The following PARP8 variants were observed in gnomAD, a reference collection of about 807,000 sequenced individuals.
The protein encoded by PARP8 is poly(ADP-ribose) polymerase family member 8.
PARP8 carries 51 observed loss-of-function variants against 124.1 expected under a neutral mutation model. The observed-to-expected ratio is 0.41, with a 90% confidence interval of 0.33 to 0.52. The LOEUF is 0.52. PARP8 is among the 20% of genes least tolerant of loss of function. The probability of loss-of-function intolerance (pLI) is 0.21; values close to 1 mark genes in which losing one functional copy is unlikely to be tolerated. For missense variants in PARP8, 860 were observed against 1,018.9 expected, an observed-to-expected ratio of 0.84 and a Z score of 2.12; for synonymous variants, 391 against 361.5, an observed-to-expected ratio of 1.08 and a Z score of -0.93.
intron 25 of PARP8, 22 bp downstream of exon 25, chr5:50,835,037 T>A: frequency 6.3e-7 from 1 of 1,595,826 alleles, no homozygotes; most frequent in South Asian, 1.1e-5. Context: ...TGCTCAAATT[T>A]GTATATTACT....
chr5:50,731,936 G>A (rs1323487365), intron 2 of PARP8, among the ~76,000 whole-genome samples: 1 of 152,116 alleles, frequency 6.6e-6, no homozygotes, highest in African/African-American at 2.4e-5. Flanking sequence ...GCCACATAGT[G>A]GGAGTGTTCA....
chr5:50,838,558 G>A (rs545314224), intron 25 of PARP8, among the ~76,000 whole-genome samples: 1 of 152,038 alleles, frequency 6.6e-6, no homozygotes, highest in Non-Finnish European at 1.5e-5. Context: ...TAATCTTTTG[G>A]TGTACAGCCT....
At chr5:50,799,848 G>A (rs1432610658) in intron 14 of PARP8, among the ~76,000 whole-genome samples, 1 of 152,166 alleles carries the variant, frequency 6.6e-6, no homozygotes, top group African/African-American at 2.4e-5. Flanking sequence ...AAAGGACACA[G>A]CAAGAAGATC....
chr5:50,835,591 C>G (rs1026976280), intron 25 of PARP8, among the ~76,000 whole-genome samples: 9 of 152,180 alleles, frequency 5.9e-5, no homozygotes, highest in East Asian at 1.9e-4. Flanking sequence ...CTAGCCATCT[C>G]TCTGTATGTA....
intron 19 of PARP8, 59 bp from the exon 20 acceptor site, chr5:50,827,885 T>G: frequency 1.6e-6 from 2 of 1,251,358 alleles, no homozygotes; most frequent in South Asian, 1.2e-5. Flanking sequence ...GAAATTGTCA[T>G]CAGCCTGAAT....
intron 7 of PARP8, among the ~76,000 whole-genome samples, chr5:50,767,925 G>T (rs1761213509): frequency 6.6e-6 from 1 of 152,128 alleles, no homozygotes; most frequent in Middle Eastern, 3.2e-3. Flanking sequence ...GTTGTTGAAA[G>T]AAGAAATAAA....
At chr5:50,807,970 C>T (rs1224868545) in intron 14 of PARP8, among the ~76,000 whole-genome samples, 1 of 152,000 alleles carries the variant, frequency 6.6e-6, no homozygotes, top group East Asian at 1.9e-4. Flanking sequence ...AATGCTCATT[C>T]TTACTGAAGC....
At chr5:50,803,942 T>G (rs756560514) in intron 14 of PARP8, among the ~76,000 whole-genome samples, 1 of 152,128 alleles carries the variant, frequency 6.6e-6, no homozygotes, top group Admixed American at 6.6e-5. Flanking sequence ...CTCGCCAAAC[T>G]GTTTTGGCAG....
chr5:50,813,499 C>T (rs566756957), intron 14 of PARP8, among the ~76,000 whole-genome samples: 9 of 152,200 alleles, frequency 5.9e-5, no homozygotes, highest in East Asian at 5.8e-4. Context: ...TGGGCTGAGA[C>T]GATGGGGTTT....
At chr5:50,766,627 C>A (rs1263300687) in intron 7 of PARP8, among the ~76,000 whole-genome samples, 5 of 152,088 alleles carry the variant, frequency 3.3e-5, no homozygotes. Flanking sequence ...TTTATTGTGA[C>A]TAATGCTTAA....
At chr5:50,833,794 G>A (rs1747257242) in intron 23 of PARP8, among the ~76,000 whole-genome samples, 185 bp from the exon 24 acceptor site, 2 of 151,568 alleles carry the variant, frequency 1.3e-5, no homozygotes, top group East Asian at 1.9e-4. Context: ...ATTTAGTAAT[G>A]ATGATGTACA....
At chr5:50,758,159 A>C (rs1339540502) in intron 3 of PARP8, among the ~76,000 whole-genome samples, 1 of 152,188 alleles carries the variant, frequency 6.6e-6, no homozygotes, top group Non-Finnish European at 1.5e-5. Context: ...AAGTGATCAA[A>C]GTCTCAACTA....
At chr5:50,669,451 T>C (rs1210320628) in intron 2 of PARP8, 1 of 152,236 alleles carries the variant, frequency 6.6e-6, no homozygotes, top group Non-Finnish European at 1.5e-5. Context: ...TTTTCACTAT[T>C]GCTGTTTTTC....
intron 3 of PARP8, 76 bp downstream of exon 3, chr5:50,750,264 A>G: frequency 2.5e-6 from 3 of 1,223,704 alleles, no homozygotes; most frequent in South Asian, 1.2e-5. Flanking sequence ...GAGATGTAAA[A>G]CGCATATAAA....
chr5:50,667,358 C>G (rs561820018), intron 1 of PARP8, among the ~76,000 whole-genome samples, 172 bp downstream of exon 1: 265 of 152,354 alleles, frequency 1.7e-3, no homozygotes, highest in African/African-American at 6.0e-3. Flanking sequence ...GGGCGCCAGC[C>G]TCTCCCCTTC....
chr5:50,673,474 T>G (rs115048068), intron 2 of PARP8, among the ~76,000 whole-genome samples: 7,135 of 152,244 alleles, frequency 0.047, 236 homozygotes, highest in Admixed American at 0.073. Context: ...ATCCCGTGTT[T>G]CCAAAAAACA....
chr5:50,820,622 T>C (rs965913), intron 15 of PARP8, among the ~76,000 whole-genome samples: 9,771 of 152,224 alleles, frequency 0.064, 369 homozygotes, highest in South Asian at 0.19. Context: ...GGCAATTAGC[T>C]ATTCCTGGAG....
At chr5:50,815,620 A>G in intron 15 of PARP8, 96 bp downstream of exon 15, 2 of 825,056 alleles carry the variant, frequency 2.4e-6, no homozygotes, top group Non-Finnish European at 3.5e-6. Flanking sequence ...TGGGGAAAAT[A>G]TTTGATAACT....
chr5:50,692,414 T>C (rs1752587610), intron 2 of PARP8, among the ~76,000 whole-genome samples: 1 of 152,168 alleles, frequency 6.6e-6, no homozygotes, highest in African/African-American at 2.4e-5. Context: ...TAATACTTAG[T>C]CATCTGGGGA....
Sources: gnomAD v4.1 joint callset for allele counts (sites outside exome capture counted in the v4.1 genomes callset) on GRCh38, gnomAD v4.1.1 for gene constraint, MANE v1.5 for transcripts, NCBI Gene and HGNC (gene_info 2026-07-23, HGNC 2026-07-21) for gene names.